CNTN5: variants seen among roughly 807,000 people sequenced by gnomAD.
The protein encoded by CNTN5 is contactin-5.
Under a neutral mutation model 129.1 loss-of-function variants are expected in CNTN5, and 77 were observed. The ratio of observed to expected loss-of-function variants is 0.60; its 90% CI spans 0.50 to 0.72. The LOEUF is 0.72. Among genes scored for constraint, CNTN5 ranks in the 30% least tolerant of loss-of-function variants. The pLI is 0.00. For synonymous variants in CNTN5, 509 were observed against 465.6 expected (o/e 1.09, Z -1.20); for missense variants, 1,478 against 1,328.8 (o/e 1.11, Z -1.75).
chr11:99,593,990 T>C (rs1591332262), intron 3 of CNTN5, among the ~76,000 whole-genome samples: 1 of 152,206 alleles, frequency 6.6e-6, no homozygotes, highest in Non-Finnish European at 1.5e-5. Context: ...GTGGTGTTGT[T>C]AGGGATTTTT....
In CNTN5 at chr11:99,727,020, G is replaced by C. The variant is rs371087632; in HGVS notation, c.56-92524G>C. ...TTTATAAATCTCTATAAAATTCCAG[G>C]GCATGGCCGGGCGCGGTGGCTCACG... On this transcript the variant is annotated intron_variant, in intron 3 of 24. Coordinates refer to ENST00000524871, the MANE Select transcript of CNTN5 (RefSeq NM_014361.4). Among the ~76,000 whole-genome samples the C allele has an allele frequency of 3.5e-4, 53 of 152,106 alleles. 1 individual carries two copies. Among genetic ancestry groups the C allele is most frequent in the African/African-American group, 1.3e-3 (52 of 41,492 alleles).
intron 1 of CNTN5, among the ~76,000 whole-genome samples, chr11:99,131,786 C>T (rs547157577): frequency 4.6e-5 from 7 of 152,134 alleles, no homozygotes; most frequent in African/African-American, 1.4e-4. Flanking sequence ...AAAGCCCAGG[C>T]CCAGATGGAT....
intron 2 of CNTN5, among the ~76,000 whole-genome samples, chr11:99,414,586 A>G (rs537127089): frequency 6.6e-6 from 1 of 152,276 alleles, no homozygotes; most frequent in African/African-American, 2.4e-5. Context: ...GCAGAAAAAT[A>G]GAGCTATATA....
chr11:100,296,372 T>C (rs1261333615), intron 18 of CNTN5, among the ~76,000 whole-genome samples: 1 of 151,402 alleles, frequency 6.6e-6, no homozygotes, highest in Non-Finnish European at 1.5e-5. Context: ...TCCATGTGAT[T>C]TCTTGAATGA....
At chr11:99,948,212 A>G (rs1950595632) in intron 7 of CNTN5, among the ~76,000 whole-genome samples, 1 of 152,164 alleles carries the variant, frequency 6.6e-6, no homozygotes, top group Admixed American at 6.5e-5. Flanking sequence ...TATTTGGACA[A>G]CTCTGTAAAT....
At chr11:100,077,584 G>A (rs897507935) in intron 13 of CNTN5, among the ~76,000 whole-genome samples, 2 of 152,038 alleles carry the variant, frequency 1.3e-5, no homozygotes, top group Admixed American at 6.6e-5. Flanking sequence ...ACTTTGGGGG[G>A]CCAAGATGCG....
rs893532556 is a variant in CNTN5 at position 99,275,954 on chromosome 11, C to CA, written c.-209-49382dup. Among the ~76,000 whole-genome samples the CA allele has an allele frequency of 7.1e-4, 106 of 148,434 alleles. 1 individual carries two copies. The highest frequency in any genetic ancestry group is 3.4e-3 in the Middle Eastern group (1 of 292). ...AGAAATAATTGAAGCCATATTTGAA[C>CA]AAAAAAAAAATCTACCACAGGCAGA... On this transcript the variant is annotated intron_variant, in intron 1 of 24. Coordinates refer to ENST00000524871, the MANE Select transcript of CNTN5 (RefSeq NM_014361.4).
chr11:100,036,586 C>A (rs1401168547), intron 9 of CNTN5, among the ~76,000 whole-genome samples: 1 of 147,736 alleles, frequency 6.8e-6, no homozygotes, highest in East Asian at 2.0e-4. Context: ...GATATTGATT[C>A]TTCCTACCCA....
intron 3 of CNTN5, among the ~76,000 whole-genome samples, chr11:99,724,968 C>T (rs1289597975): frequency 6.6e-6 from 1 of 152,094 alleles, no homozygotes; most frequent in Non-Finnish European, 1.5e-5. Flanking sequence ...TTTTTTGCGC[C>T]AATGCTAAGT....
At chr11:99,857,401 C>G (rs1392578437) in intron 6 of CNTN5, among the ~76,000 whole-genome samples, 3 of 152,054 alleles carry the variant, frequency 2.0e-5, no homozygotes, top group African/African-American at 4.8e-5. Context: ...CCTTATGACA[C>G]CTATGAGAAG....
At chr11:100,210,760 G>A (rs977474263) in intron 15 of CNTN5, among the ~76,000 whole-genome samples, 1 of 152,090 alleles carries the variant, frequency 6.6e-6, no homozygotes, top group African/African-American at 2.4e-5. Context: ...CCCCATCAAC[G>A]TCCTTCAAGA....
chr11:99,511,024 C>T (rs370705375), intron 2 of CNTN5, among the ~76,000 whole-genome samples: 44 of 151,922 alleles, frequency 2.9e-4, no homozygotes, highest in African/African-American at 1.0e-3. Flanking sequence ...TTGCAGGCCT[C>T]GGCTGATGTG....
At chr11:99,099,794 C>G (rs542982074) in intron 1 of CNTN5, among the ~76,000 whole-genome samples, 14 of 152,236 alleles carry the variant, frequency 9.2e-5, no homozygotes, top group African/African-American at 3.1e-4. Context: ...ACGTATAAAT[C>G]ACTTCGAAAA....
chr11:100,026,266 C>T (rs1081341), intron 9 of CNTN5, among the ~76,000 whole-genome samples: 66,995 of 151,096 alleles, frequency 0.44, 15,022 homozygotes, highest in East Asian at 0.56. Context: ...AAGAAGATGC[C>T]TTGCTTCTTC....
chr11:99,942,324 G>A (rs1950457714), intron 7 of CNTN5, among the ~76,000 whole-genome samples: 1 of 151,934 alleles, frequency 6.6e-6, no homozygotes, highest in South Asian at 2.1e-4. Context: ...GTGGATGATG[G>A]AAAGGGCGTA....
intron 23 of CNTN5, among the ~76,000 whole-genome samples, chr11:100,347,751 T>C (rs1952317226): frequency 6.6e-6 from 1 of 152,162 alleles, no homozygotes; most frequent in Non-Finnish European, 1.5e-5. Context: ...TCCCATCCCA[T>C]TGTCACCGAG....
chr11:100,306,955 C>T (rs1266990092), intron 20 of CNTN5, among the ~76,000 whole-genome samples: 10 of 151,650 alleles, frequency 6.6e-5, no homozygotes, highest in Non-Finnish European at 5.9e-5. Context: ...TTTGAGATGA[C>T]ACAATTATAG....
intron 15 of CNTN5, among the ~76,000 whole-genome samples, chr11:100,206,559 G>A (rs1349329007): frequency 6.6e-6 from 1 of 152,056 alleles, no homozygotes; most frequent in Non-Finnish European, 1.5e-5. Flanking sequence ...AAATTTAGAT[G>A]TTGCTTGAAG....
At chr11:99,488,973 A>T (rs1181055436) in intron 2 of CNTN5, among the ~76,000 whole-genome samples, 1 of 152,170 alleles carries the variant, frequency 6.6e-6, no homozygotes, top group Non-Finnish European at 1.5e-5. Context: ...ATAGAATGCT[A>T]TGTGCTATCG....
Sources: allele counts gnomAD v4.1 joint callset (sites outside exome capture counted in the v4.1 genomes callset), GRCh38; gene constraint gnomAD v4.1.1; transcripts MANE v1.5; gene names NCBI Gene and HGNC (gene_info 2026-07-23, HGNC 2026-07-21).